The following TEAD1 variants were observed in gnomAD, a reference collection of about 807,000 sequenced individuals.
TEAD1 encodes transcriptional enhancer factor TEF-1.
Under a neutral mutation model 54.9 loss-of-function variants are expected in TEAD1, and 9 were observed. The observed-to-expected ratio is 0.16, with a 90% CI of 0.10 to 0.29. TEAD1 has a LOEUF of 0.29. Ranked by LOEUF, TEAD1 falls within the 10% of genes least tolerant of loss-of-function variation. The probability of loss-of-function intolerance (pLI) is 1.00; values close to 1 mark genes in which losing one functional copy is unlikely to be tolerated. For synonymous variants in TEAD1, 200 were observed against 187.8 expected (o/e 1.07, Z -0.53); for missense variants, 387 against 535.9 (o/e 0.72, Z 2.74).
At chr11:12,713,470 T>G (rs1368322829) in intron 2 of TEAD1, among the ~76,000 whole-genome samples, 3 of 152,238 alleles carry the variant, frequency 2.0e-5, no homozygotes. Flanking sequence ...TACTAAACAT[T>G]GTATTAGTTT....
intron 2 of TEAD1, among the ~76,000 whole-genome samples, chr11:12,763,494 C>T (rs897264790): frequency 2.0e-5 from 3 of 152,178 alleles, no homozygotes; most frequent in African/African-American, 7.2e-5. Context: ...GTAAAAGCCC[C>T]AGAGATAAAT....
intron 3 of TEAD1, among the ~76,000 whole-genome samples, chr11:12,818,137 T>C (rs1178642521): frequency 6.6e-6 from 1 of 152,224 alleles, no homozygotes; most frequent in Non-Finnish European, 1.5e-5. Context: ...AGACACCTTT[T>C]AGTTTTCACC....
intron 2 of TEAD1, among the ~76,000 whole-genome samples, chr11:12,749,192 A>G (rs886233020): frequency 1.3e-5 from 2 of 152,086 alleles, no homozygotes; most frequent in Non-Finnish European, 2.9e-5. Context: ...CACATCCCCT[A>G]CGTAGAGTCA....
intron 11 of TEAD1, among the ~76,000 whole-genome samples, chr11:12,929,507 TC>T (rs1351823285): frequency 6.6e-6 from 1 of 152,008 alleles, no homozygotes; most frequent in Non-Finnish European, 1.5e-5. Context: ...TGAGGCTACT[TC>T]ATTAAGTTTC....
Position 12,930,125 on chromosome 11 carries a change from G to A in TEAD1, c.1015-49G>A, listed in dbSNP as rs766404347. On this transcript the variant is annotated intron_variant, in intron 11 of 12. Coordinates refer to ENST00000527636, the MANE Select transcript of TEAD1 (RefSeq NM_021961.6). Reference sequence around the variant, plus strand: ...ATGGGCAGTAATATCTGTTTCATGTGTTTTGGAGTCAAAAGTGTAAAAATA... The same window carrying A: ...ATGGGCAGTAATATCTGTTTCATGTATTTTGGAGTCAAAAGTGTAAAAATA... 3.1e-6 allele frequency: 5 copies of A among 1,612,462 alleles called. No individual in the cohort carries two copies. The South Asian group carries it at 4.4e-5, about 14-fold the overall frequency.
intron 3 of TEAD1, among the ~76,000 whole-genome samples, chr11:12,845,093 T>C (rs1274962596): frequency 6.7e-6 from 1 of 149,584 alleles, no homozygotes; most frequent in East Asian, 2.0e-4. Context: ...GCCTCCTGAG[T>C]AGCTGGGACT....
intron 2 of TEAD1, among the ~76,000 whole-genome samples, chr11:12,758,468 TG>T (rs1375487393): frequency 6.8e-6 from 1 of 146,550 alleles, no homozygotes; most frequent in East Asian, 2.0e-4. Flanking sequence ...TGGAGTGCAG[TG>T]GCGCAATCTC....
chr11:12,880,928 G>T (rs896148379), intron 6 of TEAD1, 77 bp from the exon 7 acceptor site: 1 of 1,516,848 alleles, frequency 6.6e-7, no homozygotes. Flanking sequence ...TTTAGCAGGG[G>T]TTGTGATGCG....
intron 3 of TEAD1, among the ~76,000 whole-genome samples, chr11:12,772,609 C>CT: frequency 6.6e-6 from 1 of 152,194 alleles, no homozygotes; most frequent in Admixed American, 6.5e-5. Context: ...GTATTACTTT[C>CT]TTTTTTATTT....
chr11:12,881,978 T>C (rs1947980625), intron 8 of TEAD1, 21 bp downstream of exon 8: 1 of 1,612,878 alleles, frequency 6.2e-7, no homozygotes, highest in Non-Finnish European at 8.5e-7. Flanking sequence ...CTGAAACTCC[T>C]TTTTGGGAGC....
In TEAD1 at chr11:12,922,357, C is replaced by T. The variant is rs1438323529; in HGVS notation, c.874-2555C>T. On this transcript the variant is annotated intron_variant, in intron 10 of 12. Transcript: ENST00000527636. The stretch of plus-strand genomic sequence containing the variant: ...GACTACAGGCGCCCGCCACTACGCC[C>T]GGCTAATTTTTTGTATTTTTAGTAG... 39 of 70,916 alleles carry T rather than the reference C, an allele frequency of 5.5e-4. 9 individuals carry two copies. Among genetic ancestry groups the T allele is most frequent in the Admixed American group, 4.4e-3 (32 of 7,260 alleles). The allele number at this position is 70,916 out of a possible 1,614,324, so 4.4% of individuals were successfully genotyped here. A position where few individuals can be genotyped will look rare whatever the true frequency, so the allele number is the denominator to read the frequency against.
At chr11:12,742,506 T>C (rs1170152321) in intron 2 of TEAD1, among the ~76,000 whole-genome samples, 3 of 152,194 alleles carry the variant, frequency 2.0e-5, no homozygotes, top group Non-Finnish European at 4.4e-5. Context: ...GAATAAATTC[T>C]GGTGCATAAC....
chr11:12,878,811 G>GCTT, intron 5 of TEAD1: 1 of 767,356 alleles, frequency 1.3e-6, no homozygotes, highest in Non-Finnish European at 1.8e-6. Flanking sequence ...ATATATATAT[G>GCTT]TTTTTTTTTT....
chr11:12,730,292 TA>T (rs1749706178), intron 2 of TEAD1, among the ~76,000 whole-genome samples: 1 of 152,152 alleles, frequency 6.6e-6, no homozygotes, highest in Non-Finnish European at 1.5e-5. Context: ...TGAGGTTGTA[TA>T]AATTTTACTG....
intron 2 of TEAD1, among the ~76,000 whole-genome samples, chr11:12,715,382 C>G (rs1284694550): frequency 1.3e-5 from 2 of 152,036 alleles, no homozygotes; most frequent in Non-Finnish European, 2.9e-5. Context: ...CAGATAAAGC[C>G]TGGGGACTGG....
chr11:12,747,909 T>C (rs1348369155), intron 2 of TEAD1, among the ~76,000 whole-genome samples: 1 of 152,120 alleles, frequency 6.6e-6, no homozygotes, highest in Admixed American at 6.5e-5. Flanking sequence ...ATTCTCTTTA[T>C]GTATATATAA....
chr11:12,834,533 A>G (rs1383856998), intron 3 of TEAD1, among the ~76,000 whole-genome samples: 1 of 152,214 alleles, frequency 6.6e-6, no homozygotes, highest in Non-Finnish European at 1.5e-5. Flanking sequence ...AGAGAGATGT[A>G]TGGGAAGTGT....
chr11:12,885,786 C>T (rs1046747229), intron 9 of TEAD1, among the ~76,000 whole-genome samples: 14 of 152,138 alleles, frequency 9.2e-5, no homozygotes, highest in Non-Finnish European at 1.6e-4. Context: ...CCAGAAGGCT[C>T]GATTGCCTCT....
intron 10 of TEAD1, among the ~76,000 whole-genome samples, chr11:12,920,685 A>T (rs1948788768): frequency 6.6e-6 from 1 of 152,246 alleles, no homozygotes; most frequent in East Asian, 1.9e-4. Flanking sequence ...AACTTGATTA[A>T]TCAAAATCAA....
Sources: gnomAD v4.1 joint callset for allele counts (sites outside exome capture counted in the v4.1 genomes callset) on GRCh38, gnomAD v4.1.1 for gene constraint, MANE v1.5 for transcripts, NCBI Gene and HGNC (gene_info 2026-07-23, HGNC 2026-07-21) for gene names.